The following TRANK1 variants were observed in gnomAD, a reference collection of about 807,000 sequenced individuals.
TRANK1 encodes the protein tetratricopeptide repeat and ankyrin repeat containing 1.
A neutral mutation model predicts 266.0 loss-of-function variants in TRANK1; 198 were observed. The ratio of observed to expected loss-of-function variants is 0.74; its 90% CI spans 0.66 to 0.84. TRANK1 has a LOEUF of 0.84. Ranked by LOEUF, TRANK1 falls within the 40% of genes least tolerant of loss-of-function variation. The pLI is 0.00. For synonymous variants in TRANK1, 1,396 were observed against 1,384.1 expected, an observed-to-expected ratio of 1.01 and a Z score of -0.19; for missense variants, 3,326 against 3,634.6, an observed-to-expected ratio of 0.92 and a Z score of 2.18.
chr3:36,855,985 G>C lies in TRANK1; in HGVS notation c.3737C>G (p.Ser1246Cys). ...RDENFPLFVTSKQLLLLLDAS... is the reference protein window; with the variant it reads ...RDENFPLFVTCKQLLLLLDAS... Reference sequence around the variant, plus strand: ...ATCAAGCAGAAGAAGCAGCTGCTTGGAAGTGACAAACAGAGGAAAGTTCTC... The same window carrying C: ...ATCAAGCAGAAGAAGCAGCTGCTTGCAAGTGACAAACAGAGGAAAGTTCTC... Residue 1246 changes from serine to cysteine, a missense_variant, in exon 13 of 24, where the codon TCC (serine) becomes TGC (cysteine). Transcript: ENST00000645898. The C allele has an allele frequency of 6.2e-7, 1 of 1,613,654 alleles. No individual in the cohort carries two copies. The highest frequency in any genetic ancestry group is 1.3e-5 in the African/African-American group (1 of 74,932).
intron 9 of TRANK1, among the ~76,000 whole-genome samples, chr3:36,867,361 T>C (rs966903546): frequency 2.0e-5 from 3 of 152,280 alleles, no homozygotes; most frequent in Non-Finnish European, 4.4e-5. Context: ...AGAAACATAC[T>C]AAGCTCAACA....
In TRANK1 at chr3:36,907,286, G is replaced by A. The variant is rs529048750; in HGVS notation, c.155+1037C>T. Among the ~76,000 whole-genome samples the A allele has an allele frequency of 5.9e-5, 9 of 152,218 alleles. No homozygotes were observed. In the South Asian group the frequency reaches 1.9e-3, roughly 32 times the overall value. On this transcript the variant is annotated intron_variant, in intron 2 of 23. Coordinates refer to ENST00000645898, the MANE Select transcript of TRANK1 (RefSeq NM_001329998.2). ...CTGCCTCAGCCTCCCAAGTAGCTGG[G>A]ATTACAGGCGTGCGCCACTACGCCC... is the stretch of plus-strand genomic sequence containing the variant.
At chr3:36,915,070 G>T (rs929143171) in intron 1 of TRANK1, among the ~76,000 whole-genome samples, 1 of 152,180 alleles carries the variant, frequency 6.6e-6, no homozygotes, top group Non-Finnish European at 1.5e-5. Context: ...TCCTGCCTCA[G>T]CCTCTTGAGG....
chr3:36,856,576 T>A lies in TRANK1; in HGVS notation c.3146A>T (p.Glu1049Val). Residue 1049 changes from glutamate (E) to valine (V), a missense_variant, in exon 13 of 24, where the codon GAG (glutamate) becomes GTG (valine). Coordinates refer to ENST00000645898, the MANE Select transcript of TRANK1 (RefSeq NM_001329998.2). Reference sequence around the variant, plus strand: ...AAGCTCACCCACCCGGAAGGGGTACTCCACTGTGGCTGTCGTGTCATTGAG... The same window carrying A: ...AAGCTCACCCACCCGGAAGGGGTACACCACTGTGGCTGTCGTGTCATTGAG... ...NILNDTTATV[E>V]YPFRVGELEY... The A allele has an allele frequency of 6.2e-7, 1 of 1,614,028 alleles. No homozygotes were observed. Among genetic ancestry groups the A allele is most frequent in the Non-Finnish European group, 8.5e-7 (1 of 1,179,890 alleles).
Position 36,855,471 on chromosome 3 carries a change from T to C in TRANK1, c.4251A>G (p.Ile1417Met). The C allele has an allele frequency of 6.2e-7, 1 of 1,613,962 alleles. No individual in the cohort carries two copies. The highest frequency in any genetic ancestry group is 1.7e-5 in the Admixed American group (1 of 60,020). ...CCCTGAGCTTCGACAGCCTCCGGGA[T>C]ATGTTGTACAGAACATCCTCTTCAT... ...YFDEEDVLYNISRRLSKLRVL... is the reference protein window; with the variant it reads ...YFDEEDVLYNMSRRLSKLRVL... The change falls in exon 13 of 24, where the codon ATA becomes ATG. Residue 1417 changes from isoleucine to methionine, a missense_variant. Physicochemically the swap from Ile to Met is conservative, Grantham distance 10. Coordinates refer to ENST00000645898, the MANE Select transcript of TRANK1 (RefSeq NM_001329998.2).
Position 36,892,931 on chromosome 3 carries a change from G to C in TRANK1, c.606C>G (p.Val202=). ...AGAGACTTTTCAGTGATAACTCTGG[G>C]ACATGAATATTTCTTGGTAATCGGT... ...KKDRLPRNIH[V]PELSLKSLFE... is the part of the protein sequence containing the mutation. Residue 202 remains valine, a synonymous_variant, in exon 6 of 24, where the codon GTC becomes GTG. Coordinates refer to ENST00000645898, the MANE Select transcript of TRANK1 (RefSeq NM_001329998.2). 6.6e-7 allele frequency: 1 copy of C among 1,511,918 alleles called. No individual in the cohort carries two copies. Among genetic ancestry groups the C allele is most frequent in the Non-Finnish European group, 8.8e-7 (1 of 1,137,586 alleles). The allele number at this position is 1,511,918 out of a possible 1,614,324, so 93.7% of individuals were successfully genotyped here.
chr3:36,918,740 C>T (rs1304127989), intron 1 of TRANK1, among the ~76,000 whole-genome samples: 1 of 152,108 alleles, frequency 6.6e-6, no homozygotes, highest in Non-Finnish European at 1.5e-5. Context: ...CCAAGTCTGA[C>T]AGAAACATTA....
At chr3:36,854,766 C>T (rs1457143790) in intron 13 of TRANK1, among the ~76,000 whole-genome samples, 1 of 147,494 alleles carries the variant, frequency 6.8e-6, no homozygotes, top group Non-Finnish European at 1.5e-5. Context: ...ACCACCCTCC[C>T]TTTTTTTTTT....
intron 21 of TRANK1, chr3:36,834,531 C>A (rs563679196): frequency 6.4e-6 from 3 of 470,238 alleles, no homozygotes; most frequent in Non-Finnish European, 1.1e-5. Context: ...CTCCCATCCC[C>A]CTCAGCCCCC....
intron 1 of TRANK1, among the ~76,000 whole-genome samples, chr3:36,943,548 A>G (rs1011548005): frequency 7.1e-6 from 1 of 140,920 alleles, no homozygotes; most frequent in African/African-American, 2.7e-5. Context: ...CCTATCCTGC[A>G]ATCCTACAAA....
chr3:36,944,708 G>C (rs972720366), intron 1 of TRANK1, 79 bp downstream of exon 1: 2 of 1,472,814 alleles, frequency 1.4e-6, no homozygotes, highest in East Asian at 2.8e-5. Flanking sequence ...CAGTCCCCGC[G>C]CGCGGCCGCC....
chr3:36,943,918 A>G (rs2080533326), intron 1 of TRANK1, among the ~76,000 whole-genome samples: 1 of 151,988 alleles, frequency 6.6e-6, no homozygotes, highest in Non-Finnish European at 1.5e-5. Flanking sequence ...GCACACTTCC[A>G]TAAAAATTTT....
intron 9 of TRANK1, among the ~76,000 whole-genome samples, chr3:36,870,298 G>A (rs1045767251): frequency 2.0e-5 from 3 of 152,040 alleles, no homozygotes; most frequent in African/African-American, 7.2e-5. Context: ...TCCCAGCTAC[G>A]TGGGAGGCTG....
At chr3:36,845,664 T>C (rs565688634) in intron 17 of TRANK1, among the ~76,000 whole-genome samples, 3 of 152,318 alleles carry the variant, frequency 2.0e-5, no homozygotes, top group Admixed American at 6.5e-5. Context: ...ACCCAATACA[T>C]CTTGAACATC....
At chr3:36,854,507 C>T (rs184600149) in intron 13 of TRANK1, among the ~76,000 whole-genome samples, 89 of 152,258 alleles carry the variant, frequency 5.8e-4, no homozygotes, top group African/African-American at 2.1e-3. Context: ...AGATATTTGT[C>T]GGCCAAAGGA....
chr3:36,890,118 C>T (rs1389702618), intron 7 of TRANK1, among the ~76,000 whole-genome samples, 158 bp from the exon 8 acceptor site: 2 of 152,182 alleles, frequency 1.3e-5, no homozygotes, highest in Admixed American at 6.5e-5. Context: ...ATCCAACATA[C>T]GTTTCCACTC....
Position 36,834,495 on chromosome 3 carries a change from G to A in TRANK1, c.5663+267C>T, listed in dbSNP as rs545183123. The stretch of plus-strand genomic sequence containing the variant: ...ATTCTGCTGATGGAAGTCAGAATAC[G>A]TCATTATATACACACTCATAACATA... On this transcript the variant is annotated intron_variant, in intron 21 of 23. Transcript: ENST00000645898. 14 of 343,584 alleles carry A rather than the reference G, an allele frequency of 4.1e-5. No homozygotes were observed. In the South Asian group the frequency reaches 5.8e-4, roughly 14 times the overall value. The allele number at this position is 343,584 out of a possible 1,614,324, so 21.3% of individuals were successfully genotyped here. A position where few individuals can be genotyped will look rare whatever the true frequency, so the allele number is the denominator to read the frequency against.
At chr3:36,845,137 C>T (rs1365934526) in intron 17 of TRANK1, among the ~76,000 whole-genome samples, 1 of 152,110 alleles carries the variant, frequency 6.6e-6, no homozygotes, top group African/African-American at 2.4e-5. Flanking sequence ...CAACCCCATA[C>T]CCACCAATCC....
intron 22 of TRANK1, 53 bp downstream of exon 22, chr3:36,830,820 C>G: frequency 6.6e-7 from 1 of 1,513,442 alleles, no homozygotes; most frequent in Non-Finnish European, 8.8e-7. Flanking sequence ...TGAGAAATGT[C>G]CTCAGAGCCC....
Sources: allele counts gnomAD v4.1 joint callset (sites outside exome capture counted in the v4.1 genomes callset), GRCh38; gene constraint gnomAD v4.1.1; transcripts MANE v1.5; gene names NCBI Gene and HGNC (gene_info 2026-07-23, HGNC 2026-07-21).